Variants in SRGAP3 observed in about 807,000 individuals in gnomAD.
SRGAP3 encodes SLIT-ROBO Rho GTPase activating protein 3.
Under a neutral mutation model 121.1 loss-of-function variants are expected in SRGAP3, and 39 were observed. The observed-to-expected ratio is 0.32, with a 90% CI of 0.25 to 0.42. The LOEUF (loss-of-function observed/expected upper bound fraction) is 0.42, where lower values mean the gene tolerates loss of function less well. Ranked by LOEUF, SRGAP3 falls within the 10% of genes least tolerant of loss-of-function variation. SRGAP3 has a pLI of 1.00. For missense variants in SRGAP3, 1,213 were observed against 1,470.6 expected (o/e 0.82, Z 2.86); for synonymous variants, 601 against 570.0 (o/e 1.05, Z -0.77).
At chr3:9,053,745 C>T (rs1475325241) in intron 8 of SRGAP3, among the ~76,000 whole-genome samples, 1 of 152,188 alleles carries the variant, frequency 6.6e-6, no homozygotes, top group Non-Finnish European at 1.5e-5. Flanking sequence ...AGGAAAACTC[C>T]AGGAAGACAG....
chr3:9,120,107 A>G (rs991480786), intron 2 of SRGAP3, among the ~76,000 whole-genome samples: 2 of 152,200 alleles, frequency 1.3e-5, no homozygotes, highest in Non-Finnish European at 2.9e-5. Context: ...CTGCTTTTTA[A>G]TGTTTTATTC....
intron 14 of SRGAP3, among the ~76,000 whole-genome samples, chr3:9,019,689 C>T (rs1943818634): frequency 6.6e-6 from 1 of 152,224 alleles, no homozygotes; most frequent in Non-Finnish European, 1.5e-5. Context: ...CTCCCTAGCC[C>T]CAACATGCTT....
At chr3:9,314,913 T>C (rs1559273294) in intron 3 of SRGAP3, among the ~76,000 whole-genome samples, 1 of 152,188 alleles carries the variant, frequency 6.6e-6, no homozygotes, top group Non-Finnish European at 1.5e-5. Flanking sequence ...TGGAGCCTCA[T>C]CTTGGCAAAT....
intron 3 of SRGAP3, among the ~76,000 whole-genome samples, chr3:9,284,399 T>A (rs1380776196): frequency 6.6e-6 from 1 of 152,226 alleles, no homozygotes; most frequent in Admixed American, 6.5e-5. Context: ...TGGCAAAGAA[T>A]ACAATGACTA....
At chr3:9,080,909 T>C (rs1304320546) in intron 3 of SRGAP3, among the ~76,000 whole-genome samples, 1 of 152,172 alleles carries the variant, frequency 6.6e-6, no homozygotes, top group Non-Finnish European at 1.5e-5. Flanking sequence ...GTGAGTTGCA[T>C]AATTATTTCA....
At chr3:9,062,045 G>T (rs115707009) in intron 5 of SRGAP3, among the ~76,000 whole-genome samples, 1 of 151,610 alleles carries the variant, frequency 6.6e-6, no homozygotes, top group Admixed American at 6.6e-5. Flanking sequence ...CTTTTCCCCA[G>T]GGTCCTGGCA....
intron 3 of SRGAP3, among the ~76,000 whole-genome samples, chr3:9,086,815 A>T (rs1384060442): frequency 1.1e-5 from 1 of 87,170 alleles, no homozygotes; most frequent in East Asian, 3.6e-4. Context: ...TATAATATAC[A>T]TATACATATA....
chr3:9,105,449 T>C lies in SRGAP3; in HGVS notation c.261-607A>G, dbSNP rs150047932. Among the ~76,000 whole-genome samples, 117 of 152,304 alleles carry C rather than the reference T, an allele frequency of 7.7e-4. 4 individuals carry two copies. The East Asian group carries it at 0.022, about 29-fold the overall frequency. On this transcript the variant is annotated intron_variant, in intron 2 of 21. Coordinates refer to ENST00000383836, the MANE Select transcript of SRGAP3 (RefSeq NM_014850.4). ...AAGTACCTACAAGACAAATAACCCT[T>C]TGTCCTGCAATGACTGATAGGTTAT...
chr3:9,318,073 C>A (rs889873768), intron 3 of SRGAP3, among the ~76,000 whole-genome samples: 1 of 151,910 alleles, frequency 6.6e-6, no homozygotes, highest in Admixed American at 6.6e-5. Context: ...AATTTGAAAT[C>A]TTCTTCCCAC....
At chr3:9,345,894 A>G (rs768561573) in intron 1 of SRGAP3, among the ~76,000 whole-genome samples, 11 of 152,194 alleles carry the variant, frequency 7.2e-5, no homozygotes, top group Non-Finnish European at 1.2e-4. Context: ...AGTGCCTCCA[A>G]GCACAGTATG....
intron 2 of SRGAP3, among the ~76,000 whole-genome samples, chr3:9,110,914 C>T (rs1948600437): frequency 6.6e-6 from 1 of 152,344 alleles, no homozygotes. Flanking sequence ...GCCACCTGGA[C>T]GTGGGCATGG....
chr3:9,192,805 A>C (rs1951796397), intron 1 of SRGAP3: 1 of 152,250 alleles, frequency 6.6e-6, no homozygotes, highest in Admixed American at 6.5e-5. Flanking sequence ...TGGAAGGCTA[A>C]TGAGTCTGAA....
At chr3:9,058,718 T>C (rs1281437158) in intron 6 of SRGAP3, 36 of 287,932 alleles carry the variant, frequency 1.3e-4, no homozygotes, top group South Asian at 1.8e-4. Context: ...CTCTCTCTTT[T>C]TTTTTTTTTT....
At chr3:9,307,576 C>T (rs1177876359) in intron 3 of SRGAP3, among the ~76,000 whole-genome samples, 1 of 152,188 alleles carries the variant, frequency 6.6e-6, no homozygotes, top group Non-Finnish European at 1.5e-5. Flanking sequence ...AAGTCTATTA[C>T]ACATTACTTG....
At chr3:9,136,272 G>GCGGCTT (rs1163741706) in intron 1 of SRGAP3, among the ~76,000 whole-genome samples, 2 of 152,186 alleles carry the variant, frequency 1.3e-5, no homozygotes, top group African/African-American at 4.8e-5. Context: ...ACACCGAGAG[G>GCGGCTT]CGGCTTCCGG....
chr3:9,153,164 C>G (rs1174647554), intron 1 of SRGAP3, among the ~76,000 whole-genome samples: 1 of 152,152 alleles, frequency 6.6e-6, no homozygotes, highest in Non-Finnish European at 1.5e-5. Context: ...CTTGATTGGA[C>G]TGATGGTACA....
At chr3:9,304,189 G>A (rs1055965870) in intron 3 of SRGAP3, among the ~76,000 whole-genome samples, 1 of 152,154 alleles carries the variant, frequency 6.6e-6, no homozygotes, top group Non-Finnish European at 1.5e-5. Context: ...CAGTGCCTGT[G>A]TCCTAATCAC....
chr3:9,220,115 A>G lies in SRGAP3; in HGVS notation c.67+28770T>C, dbSNP rs181318939. The stretch of plus-strand genomic sequence containing the variant: ...TAGAAGGAGTAAGTTCTGGTGTTCA[A>G]AAGCACAATAGGGTGACTATGGTTC... On this transcript the variant is annotated intron_variant, in intron 1 of 21. Transcript: ENST00000383836. Among the ~76,000 whole-genome samples, 17 of 152,250 alleles carry G rather than the reference A, an allele frequency of 1.1e-4. No homozygotes were observed. The East Asian group carries it at 2.7e-3, about 24-fold the overall frequency.
At chr3:9,142,039 C>T (rs1056645407) in intron 1 of SRGAP3, among the ~76,000 whole-genome samples, 3 of 152,234 alleles carry the variant, frequency 2.0e-5, no homozygotes, top group African/African-American at 7.2e-5. Context: ...TCCAGTAAGG[C>T]TATTTCATAC....
Sources: allele counts gnomAD v4.1 joint callset (sites outside exome capture counted in the v4.1 genomes callset), GRCh38; gene constraint gnomAD v4.1.1; transcripts MANE v1.5; gene names NCBI Gene and HGNC (gene_info 2026-07-23, HGNC 2026-07-21).